Variants in MACROD2 observed in about 807,000 individuals in gnomAD.
The protein encoded by MACROD2 is mono-ADP ribosylhydrolase 2.
Under a neutral mutation model 70.4 loss-of-function variants are expected in MACROD2, and 36 were observed. The ratio of observed to expected loss-of-function variants is 0.51; its 90% CI spans 0.39 to 0.68. The LOEUF (loss-of-function observed/expected upper bound fraction) is 0.68. Ranked by LOEUF, MACROD2 falls within the 30% of genes least tolerant of loss-of-function variation. MACROD2 has a pLI of 0.00. For synonymous variants in MACROD2, 172 were observed against 178.8 expected, an observed-to-expected ratio of 0.96 and a Z score of 0.30; for missense variants, 496 against 538.4, an observed-to-expected ratio of 0.92 and a Z score of 0.78.
chr20:14,179,746 T>C (rs1406534128), intron 3 of MACROD2, among the ~76,000 whole-genome samples: 1 of 152,158 alleles, frequency 6.6e-6, no homozygotes, highest in Non-Finnish European at 1.5e-5. Context: ...GAAGGATTTA[T>C]TGTTCTTCAA....
At chr20:14,807,753 C>G (rs1453549613) in intron 5 of MACROD2, among the ~76,000 whole-genome samples, 2 of 152,062 alleles carry the variant, frequency 1.3e-5, no homozygotes, top group Non-Finnish European at 2.9e-5. Context: ...CATAAATGAC[C>G]TGATGGAGAT....
chr20:15,851,850 T>G (rs2064302583), intron 8 of MACROD2, among the ~76,000 whole-genome samples: 1 of 152,126 alleles, frequency 6.6e-6, no homozygotes, highest in Non-Finnish European at 1.5e-5. Flanking sequence ...CTTGGAGCTG[T>G]CAGTCACCAG....
At chr20:14,998,960 C>T (rs2074972046) in intron 5 of MACROD2, among the ~76,000 whole-genome samples, 1 of 152,154 alleles carries the variant, frequency 6.6e-6, no homozygotes, top group South Asian at 2.1e-4. Flanking sequence ...GCCTTACAGG[C>T]CAGGAGAGAG....
intron 8 of MACROD2, among the ~76,000 whole-genome samples, chr20:15,859,883 G>A (rs1319239370): frequency 6.6e-6 from 1 of 151,842 alleles, no homozygotes; most frequent in Non-Finnish European, 1.5e-5. Flanking sequence ...TGAAATGTCT[G>A]TATATGGTCT....
intron 6 of MACROD2, among the ~76,000 whole-genome samples, chr20:15,237,242 C>T (rs912633931): frequency 3.9e-5 from 6 of 152,278 alleles, no homozygotes; most frequent in Non-Finnish European, 7.4e-5. Flanking sequence ...GAAGCTTGTA[C>T]TTAGTTTGCT....
chr20:15,155,422 T>G (rs757825199), intron 5 of MACROD2, among the ~76,000 whole-genome samples: 2 of 152,180 alleles, frequency 1.3e-5, no homozygotes, highest in Non-Finnish European at 2.9e-5. Context: ...TAACAATCTG[T>G]CTGATTCTCC....
intron 15 of MACROD2, among the ~76,000 whole-genome samples, chr20:16,006,353 C>A (rs2066788361): frequency 6.6e-6 from 1 of 152,134 alleles, no homozygotes; most frequent in South Asian, 2.1e-4. Context: ...GTCTCTTAGC[C>A]TTTTCATTCC....
chr20:15,333,644 AG>A (rs2078017131), intron 6 of MACROD2, among the ~76,000 whole-genome samples: 2 of 151,582 alleles, frequency 1.3e-5, no homozygotes, highest in South Asian at 4.1e-4. Context: ...GGGCTTCTCT[AG>A]GACTCAGTTT....
At chr20:15,830,884 T>TTATG (rs1376780597) in intron 8 of MACROD2, among the ~76,000 whole-genome samples, 11 of 152,232 alleles carry the variant, frequency 7.2e-5, no homozygotes, top group Non-Finnish European at 2.9e-5. Context: ...ATATAACACA[T>TTATG]TAGAAGTTGA....
At chr20:14,972,438 C>T (rs1190812474) in intron 5 of MACROD2, among the ~76,000 whole-genome samples, 1 of 152,138 alleles carries the variant, frequency 6.6e-6, no homozygotes, top group Admixed American at 6.5e-5. Context: ...TTGGGTCTGT[C>T]TGTGTGATGT....
At chr20:14,265,978 G>A (rs1259798932) in intron 3 of MACROD2, among the ~76,000 whole-genome samples, 2 of 151,962 alleles carry the variant, frequency 1.3e-5, no homozygotes, top group Non-Finnish European at 1.5e-5. Context: ...GGGTTTCACC[G>A]TGTTAGCCAG....
chr20:14,556,432 C>T (rs1038923577), intron 4 of MACROD2, among the ~76,000 whole-genome samples: 3 of 152,032 alleles, frequency 2.0e-5, no homozygotes, highest in African/African-American at 7.2e-5. Context: ...CTACAGAAGC[C>T]TCCAAACTGC....
chr20:14,593,743 G>A (rs1462701673), intron 4 of MACROD2, among the ~76,000 whole-genome samples: 1 of 151,978 alleles, frequency 6.6e-6, no homozygotes, highest in African/African-American at 2.4e-5. Flanking sequence ...TATCCTTCCA[G>A]AATTGCATTT....
At chr20:14,715,196 G>C (rs936377701) in intron 5 of MACROD2, among the ~76,000 whole-genome samples, 14 of 152,070 alleles carry the variant, frequency 9.2e-5, no homozygotes, top group African/African-American at 3.1e-4. Flanking sequence ...AGCGAAGGGG[G>C]AAGCCTCTTA....
chr20:15,541,453 G>C (rs762246439), intron 8 of MACROD2, among the ~76,000 whole-genome samples: 1 of 152,174 alleles, frequency 6.6e-6, no homozygotes. Flanking sequence ...TTCGTGTGAT[G>C]AGTTGTGATT....
Position 15,526,873 on chromosome 20 carries a change from A to G in MACROD2, c.645+27026A>G, listed in dbSNP as rs186857935. Among the ~76,000 whole-genome samples the G allele has an allele frequency of 1.3e-4, 20 of 152,304 alleles. No homozygotes were observed. In the East Asian group the frequency reaches 2.9e-3, roughly 22 times the overall value. The stretch of plus-strand genomic sequence containing the variant: ...GATAATGACTACTGTTTAGTCAATG[A>G]AAGATGTGCAGTCCCCAAATAATCA... On this transcript the variant is annotated intron_variant, in intron 8 of 17. Coordinates refer to ENST00000684519, the MANE Select transcript of MACROD2 (RefSeq NM_001351661.2).
chr20:15,850,207 C>A (rs1400283245), intron 8 of MACROD2, among the ~76,000 whole-genome samples: 3 of 152,096 alleles, frequency 2.0e-5, no homozygotes, highest in African/African-American at 7.2e-5. Flanking sequence ...AGCATGCCAC[C>A]AAGAGCATCA....
At chr20:15,233,089 A>G (rs1048905021) in intron 6 of MACROD2, among the ~76,000 whole-genome samples, 2 of 151,756 alleles carry the variant, frequency 1.3e-5, no homozygotes, top group Admixed American at 6.6e-5. Flanking sequence ...CCACTGTGTG[A>G]TTTGAGAATA....
chr20:15,362,228 A>G (rs13038000), intron 6 of MACROD2, among the ~76,000 whole-genome samples: 21,263 of 151,962 alleles, frequency 0.14, 1,783 homozygotes, highest in Admixed American at 0.18. Context: ...TCCTGACCTC[A>G]GGTGATCCAC....
Sources: allele counts gnomAD v4.1 joint callset (sites outside exome capture counted in the v4.1 genomes callset), GRCh38; gene constraint gnomAD v4.1.1; transcripts MANE v1.5; gene names NCBI Gene and HGNC (gene_info 2026-07-23, HGNC 2026-07-21).